Variants in ESRRG observed in about 807,000 individuals in gnomAD.
ESRRG encodes estrogen-related receptor gamma.
A neutral mutation model predicts 44.0 loss-of-function variants in ESRRG; 13 were observed. That is an observed-to-expected ratio of 0.30 (90% CI 0.19 to 0.47). The LOEUF (loss-of-function observed/expected upper bound fraction) is 0.47, where lower values mean the gene tolerates loss of function less well. Among genes scored for constraint, ESRRG ranks in the 20% least tolerant of loss-of-function variants. The pLI, the probability that ESRRG is intolerant of heterozygous loss-of-function variation, is 1.00. For synonymous variants in ESRRG, 215 were observed against 214.6 expected (o/e 1.00, Z -0.02); for missense variants, 395 against 580.6 (o/e 0.68, Z 3.29).
intron 5 of ESRRG, among the ~76,000 whole-genome samples, chr1:216,549,846 T>G (rs2055732363): frequency 6.6e-6 from 1 of 152,174 alleles, no homozygotes; most frequent in African/African-American, 2.4e-5. Flanking sequence ...CTTGATTGTT[T>G]TTGTTTTTCT....
At chr1:216,632,677 A>G (rs2064452913) in intron 3 of ESRRG, among the ~76,000 whole-genome samples, 1 of 152,186 alleles carries the variant, frequency 6.6e-6, no homozygotes, top group South Asian at 2.1e-4. Context: ...TGTACTAGTC[A>G]ACAGTTAGTG....
At chr1:216,792,761 T>G (rs936808702) in intron 2 of ESRRG, among the ~76,000 whole-genome samples, 2 of 152,192 alleles carry the variant, frequency 1.3e-5, no homozygotes, top group Non-Finnish European at 2.9e-5. Flanking sequence ...CAACAAACTC[T>G]GCATGAAATG....
At chr1:217,065,145 A>G (rs777941320) in intron 1 of ESRRG, among the ~76,000 whole-genome samples, 2 of 152,230 alleles carry the variant, frequency 1.3e-5, no homozygotes, top group African/African-American at 2.4e-5. Context: ...AATGCCCCAT[A>G]AATTCTGCTG....
chr1:216,570,194 T>C (rs1027960794), intron 3 of ESRRG, among the ~76,000 whole-genome samples: 3 of 152,336 alleles, frequency 2.0e-5, no homozygotes, highest in Non-Finnish European at 2.9e-5. Context: ...CAGAATATAG[T>C]GTAAATAACA....
chr1:216,710,301 C>T (rs2820879), intron 1 of ESRRG, among the ~76,000 whole-genome samples: 21,971 of 152,156 alleles, frequency 0.14, 2,218 homozygotes, highest in East Asian at 0.32. Flanking sequence ...CTAAAACTAA[C>T]GAAGAAGCTG....
At chr1:216,616,167 CT>C (rs771320698) in intron 3 of ESRRG, among the ~76,000 whole-genome samples, 49 of 152,250 alleles carry the variant, frequency 3.2e-4, no homozygotes, top group Non-Finnish European at 6.2e-4. Flanking sequence ...AGAGGGTCCA[CT>C]GGATCCTGGC....
At chr1:216,994,525 T>C (rs1579213502) in intron 1 of ESRRG, among the ~76,000 whole-genome samples, 1 of 152,124 alleles carries the variant, frequency 6.6e-6, no homozygotes, top group South Asian at 2.1e-4. Flanking sequence ...TAAGAGACGG[T>C]AAAAAAGTAT....
At chr1:217,115,962 T>G (rs980428370) in intron 1 of ESRRG, among the ~76,000 whole-genome samples, 3 of 152,190 alleles carry the variant, frequency 2.0e-5, no homozygotes, top group Non-Finnish European at 4.4e-5. Context: ...AATAAATTCA[T>G]GAGTGAGTTT....
intron 2 of ESRRG, among the ~76,000 whole-genome samples, chr1:216,796,162 A>G (rs920445080): frequency 1.3e-5 from 2 of 152,194 alleles, no homozygotes; most frequent in African/African-American, 2.4e-5. Flanking sequence ...AAGTTCTGAT[A>G]ACAGAAATAG....
intron 2 of ESRRG, among the ~76,000 whole-genome samples, chr1:216,857,721 TA>T (rs10574748): frequency 0.25 from 32,479 of 128,402 alleles, 3,836 homozygotes; most frequent in African/African-American, 0.3. Flanking sequence ...AAGCCAGATT[TA>T]AAAAAAAAAA....
At chr1:216,633,921 T>C (rs1176331581) in intron 3 of ESRRG, among the ~76,000 whole-genome samples, 1 of 152,194 alleles carries the variant, frequency 6.6e-6, no homozygotes, top group Non-Finnish European at 1.5e-5. Context: ...TTTCTCTCAA[T>C]AGCTCTAAAC....
At chr1:217,034,593 C>A (rs1328495260) in intron 1 of ESRRG, among the ~76,000 whole-genome samples, 2 of 152,188 alleles carry the variant, frequency 1.3e-5, no homozygotes, top group East Asian at 3.9e-4. Flanking sequence ...ACATCTAAAC[C>A]ACTAGGGCAA....
chr1:216,649,449 T>A (rs1367853892), intron 3 of ESRRG, among the ~76,000 whole-genome samples: 1 of 152,062 alleles, frequency 6.6e-6, no homozygotes, highest in Non-Finnish European at 1.5e-5. Flanking sequence ...TCCATCACTG[T>A]GTATGATGTC....
At chr1:216,662,759 C>A (rs2072849240) in intron 2 of ESRRG, among the ~76,000 whole-genome samples, 1 of 152,104 alleles carries the variant, frequency 6.6e-6, no homozygotes, top group Non-Finnish European at 1.5e-5. Context: ...TTGAAAGGGC[C>A]AGATTGTACA....
intron 2 of ESRRG, among the ~76,000 whole-genome samples, chr1:216,914,686 C>A (rs1056353906): frequency 6.6e-6 from 1 of 152,206 alleles, no homozygotes; most frequent in African/African-American, 2.4e-5. Flanking sequence ...CTCTGCCAAG[C>A]CAGTAGCGTA....
At chr1:216,666,953 TG>T (rs2074068322) in intron 2 of ESRRG, among the ~76,000 whole-genome samples, 1 of 152,044 alleles carries the variant, frequency 6.6e-6, no homozygotes, top group Admixed American at 6.6e-5. Flanking sequence ...AAAAAATCAG[TG>T]GAAGAAATGG....
chr1:216,519,576 A>AC (rs1244172156), intron 5 of ESRRG, among the ~76,000 whole-genome samples, 155 bp from the exon 6 acceptor site: 1 of 152,158 alleles, frequency 6.6e-6, no homozygotes, highest in African/African-American at 2.4e-5. Context: ...CACTTTGCGA[A>AC]CAGCAAAGTG....
Position 216,509,358 on chromosome 1 carries a change from AC to A in ESRRG, c.1133-2176del, listed in dbSNP as rs370239611. Among the ~76,000 whole-genome samples, 486 of 152,302 alleles carry A rather than the reference AC, an allele frequency of 3.2e-3. 4 individuals are homozygous for A. The highest frequency in any genetic ancestry group is 0.011 in the African/African-American group (462 of 41,568). On this transcript the variant is annotated intron_variant, in intron 6 of 6. Coordinates refer to ENST00000408911, the MANE Select transcript of ESRRG (RefSeq NM_001438.4). ...AGTATTCTCCTTGATAAGAGGCAAA[AC>A]TAATTATTATGAATTTCCTCTTTAA... is the stretch of plus-strand genomic sequence containing the variant.
At chr1:216,803,136 T>C (rs959373580) in intron 2 of ESRRG, among the ~76,000 whole-genome samples, 1 of 152,080 alleles carries the variant, frequency 6.6e-6, no homozygotes, top group African/African-American at 2.4e-5. Context: ...CCCCAACAGC[T>C]TTCTCTGGTA....
Sources: gnomAD v4.1 joint callset for allele counts (sites outside exome capture counted in the v4.1 genomes callset) on GRCh38, gnomAD v4.1.1 for gene constraint, MANE v1.5 for transcripts, NCBI Gene and HGNC (gene_info 2026-07-23, HGNC 2026-07-21) for gene names.